PTK2: variants seen among roughly 807,000 people sequenced by gnomAD.
PTK2 encodes the protein protein tyrosine kinase 2, also known as focal adhesion kinase 1.
In PTK2, 45 loss-of-function variants were observed where a neutral mutation model predicts 150.1. That is an observed-to-expected ratio of 0.30 (90% CI 0.24 to 0.38). The LOEUF (loss-of-function observed/expected upper bound fraction) is 0.38. Ranked by LOEUF, PTK2 falls within the 10% of genes least tolerant of loss-of-function variation. The pLI, the probability that PTK2 is intolerant of heterozygous loss-of-function variation, is 1.00. For synonymous variants in PTK2, 432 were observed against 449.2 expected, an observed-to-expected ratio of 0.96 and a Z score of 0.48; for missense variants, 919 against 1,307.3, an observed-to-expected ratio of 0.70 and a Z score of 4.58.
chr8:140,974,970 C>T (rs1446196141), intron 1 of PTK2, among the ~76,000 whole-genome samples: 2 of 152,232 alleles, frequency 1.3e-5, no homozygotes, highest in South Asian at 2.1e-4. Flanking sequence ...CTCAGCCTTG[C>T]CATTTCACTT....
At chr8:140,818,400 A>C (rs1309764478) in intron 9 of PTK2, 46 bp from the exon 10 acceptor site, 1 of 1,520,896 alleles carries the variant, frequency 6.6e-7, no homozygotes, top group Non-Finnish European at 9.1e-7. Flanking sequence ...AGAAGGAAAA[A>C]AGAAATACTT....
intron 17 of PTK2, among the ~76,000 whole-genome samples, chr8:140,750,930 C>CA (rs1241034077): frequency 6.6e-6 from 1 of 151,980 alleles, no homozygotes; most frequent in African/African-American, 2.4e-5. Flanking sequence ...AAAACAAAAA[C>CA]AAAAAAACCA....
intron 2 of PTK2, among the ~76,000 whole-genome samples, chr8:140,919,206 T>C (rs2100166460): frequency 6.6e-6 from 1 of 152,206 alleles, no homozygotes; most frequent in African/African-American, 2.4e-5. Context: ...CCCTTAACAC[T>C]ATCCCTACCT....
intron 7 of PTK2, among the ~76,000 whole-genome samples, chr8:140,836,043 C>G (rs927036802): frequency 6.6e-6 from 1 of 151,994 alleles, no homozygotes; most frequent in Admixed American, 6.6e-5. Flanking sequence ...CACCCACGAC[C>G]CTGAACTGGA....
chr8:140,894,497 ATAGAG>A (rs1425489051), intron 2 of PTK2, among the ~76,000 whole-genome samples: 2 of 152,348 alleles, frequency 1.3e-5, no homozygotes, highest in East Asian at 1.9e-4. Context: ...TGGGAGACTA[ATAGAG>A]TAAACTATGG....
At chr8:140,782,243 G>GT (rs1240768281) in intron 14 of PTK2, among the ~76,000 whole-genome samples, 177 of 97,508 alleles carry the variant, frequency 1.8e-3, no homozygotes, top group South Asian at 3.5e-3. Context: ...AAATTTGGTT[G>GT]TTTTTTTTTT....
Position 140,978,258 on chromosome 8 carries a change from T to C in PTK2, c.-122+22867A>G, listed in dbSNP as rs190747235. 1.9e-3 allele frequency among the ~76,000 whole-genome samples: 296 copies of C among 152,112 alleles called. 2 individuals are homozygous for C. Among genetic ancestry groups the C allele is most frequent in the African/African-American group, 6.9e-3 (286 of 41,484 alleles). On this transcript the variant is annotated intron_variant, in intron 1 of 31. Transcript: ENST00000522684. ...GGCAACAAAAGCCAAAACAGACAAA[T>C]GGGATCTAATTAAATTAAAGAGCTT... is the stretch of plus-strand genomic sequence containing the variant.
At chr8:140,688,533 A>G (rs1330881054) in intron 26 of PTK2, among the ~76,000 whole-genome samples, 1 of 151,802 alleles carries the variant, frequency 6.6e-6, no homozygotes, top group Non-Finnish European at 1.5e-5. Context: ...TGGGCAACAT[A>G]GTGAGAACTC....
At chr8:140,717,985 G>C (rs1348127370) in intron 22 of PTK2, 2 of 334,306 alleles carry the variant, frequency 6.0e-6, no homozygotes, top group Admixed American at 3.9e-5. Flanking sequence ...ATGAAGGATG[G>C]GCCAAGATGA....
At chr8:140,768,385 G>A (rs2100073607) in intron 14 of PTK2, among the ~76,000 whole-genome samples, 3 of 152,212 alleles carry the variant, frequency 2.0e-5, no homozygotes, top group Non-Finnish European at 4.4e-5. Context: ...ATACATACAA[G>A]TGTTTGCAGA....
At chr8:140,907,601 C>G (rs2154607886) in intron 2 of PTK2, among the ~76,000 whole-genome samples, 1 of 152,170 alleles carries the variant, frequency 6.6e-6, no homozygotes, top group Non-Finnish European at 1.5e-5. Context: ...TTGTGGCAAC[C>G]CTGCATCGAG....
Position 140,977,600 on chromosome 8 carries a change from C to T in PTK2, c.-122+23525G>A, listed in dbSNP as rs918735902. On this transcript the variant is annotated intron_variant, in intron 1 of 31. Coordinates refer to ENST00000522684, the Ensembl canonical transcript of PTK2. ...CAGCACCACTCCCCTCCAGCCTGGG[C>T]GACAGAGCAAGACTGTCCAAAAAAA... Among the ~76,000 whole-genome samples the T allele has an allele frequency of 5.5e-5, 8 of 144,512 alleles. No individual in the cohort carries two copies. In the South Asian group the frequency reaches 1.1e-3, roughly 20 times the overall value. The allele number at this position is 144,512 out of a possible 152,430, so 94.8% of individuals were successfully genotyped here.
intron 12 of PTK2, among the ~76,000 whole-genome samples, chr8:140,794,906 A>T (rs1289060800): frequency 2.6e-5 from 4 of 152,136 alleles, no homozygotes; most frequent in African/African-American, 9.7e-5. Flanking sequence ...TGGATGTCTG[A>T]AGGTTGCTGG....
chr8:140,674,476 A>C, intron 28 of PTK2, 72 bp from the exon 32 acceptor site: 2 of 1,352,940 alleles, frequency 1.5e-6, no homozygotes, highest in Non-Finnish European at 2.1e-6. Context: ...GCAGTGGCTC[A>C]TGCCTATAAT....
At chr8:140,696,928 G>T (rs1433952732) in intron 26 of PTK2, among the ~76,000 whole-genome samples, 1 of 151,810 alleles carries the variant, frequency 6.6e-6, no homozygotes, top group African/African-American at 2.4e-5. Context: ...CAGGCATTAA[G>T]AAAGGTACTT....
intron 10 of PTK2, among the ~76,000 whole-genome samples, chr8:140,810,617 G>C (rs7827949): frequency 0.1 from 15,949 of 152,122 alleles, 921 homozygotes; most frequent in Middle Eastern, 0.14. Flanking sequence ...ACAGAGTTTT[G>C]CTGGCACCTG....
chr8:140,671,334 G>A (rs1173518079), intron 29 of PTK2, among the ~76,000 whole-genome samples: 1 of 151,994 alleles, frequency 6.6e-6, no homozygotes, highest in Non-Finnish European at 1.5e-5. Flanking sequence ...CGATTCTTGT[G>A]CCTCAGCCCC....
intron 17 of PTK2, among the ~76,000 whole-genome samples, chr8:140,748,792 T>C (rs1051670412): frequency 1.3e-5 from 2 of 152,200 alleles, no homozygotes; most frequent in African/African-American, 2.4e-5. Context: ...TTGTACAGTA[T>C]ACTAGGATTA....
At chr8:140,674,492 C>CCTCCCAAAGTGCTGAG in intron 28 of PTK2, 88 bp from the exon 32 acceptor site, 2 of 1,234,372 alleles carry the variant, frequency 1.6e-6, no homozygotes, top group Non-Finnish European at 2.3e-6. Flanking sequence ...ATAATCTCAG[C>CCTCCCAAAGTGCTGAG]ACTTTGGGAG....
Sources: gnomAD v4.1 joint callset for allele counts (sites outside exome capture counted in the v4.1 genomes callset) on GRCh38, gnomAD v4.1.1 for gene constraint, MANE v1.5 for transcripts, NCBI Gene and HGNC (gene_info 2026-07-23, HGNC 2026-07-21) for gene names.